ZNF222: variants seen among roughly 807,000 people sequenced by gnomAD.
ZNF222 encodes the protein zinc finger protein 222.
Under a neutral mutation model 11.6 loss-of-function variants are expected in ZNF222, and 8 were observed. The observed-to-expected ratio is 0.69, with a 90% CI of 0.41 to 1.25. ZNF222 has a LOEUF of 1.25. Ranked by LOEUF, ZNF222 falls within the 50% of genes most tolerant of loss-of-function variation. The pLI is 0.01. For missense variants in ZNF222, 483 were observed against 576.1 expected, an observed-to-expected ratio of 0.84 and a Z score of 1.65; for synonymous variants, 171 against 195.6, an observed-to-expected ratio of 0.87 and a Z score of 1.05.
rs895689081 is a variant in ZNF222, at chr19:44,032,914, G to A, written c.1360G>A (p.Asp454Asn). 6.2e-7 allele frequency: 1 copy of A among 1,612,936 alleles called. No individual in the cohort carries two copies. Among genetic ancestry groups the A allele is most frequent in the African/African-American group, 1.3e-5 (1 of 74,808 alleles). ...KRLVCRSYCKDQQRDHSGENP... is the reference protein window; with the variant it reads ...KRLVCRSYCKNQQRDHSGENP... ...GCTTGTATGCCGGTCATACTGTAAA[G>A]ACCAACAAAGAGACCACAGTGGAGA... is the stretch of plus-strand genomic sequence containing the variant. Residue 454 changes from aspartate to asparagine, a missense_variant, in exon 4 of 4, where the codon GAC (aspartate) becomes AAC (asparagine). By Grantham distance (23) the Asp-to-Asn change is conservative. Transcript: ENST00000391960.
At chr19:44,031,050 T>C (rs1160947250) in intron 3 of ZNF222, 1 of 152,252 alleles carries the variant, frequency 6.6e-6, no homozygotes, top group African/African-American at 2.4e-5. Flanking sequence ...CTCTTTCAAG[T>C]TAGGTTAACT....
chr19:44,025,527 C>T lies in ZNF222; in HGVS notation c.42+49C>T. On this transcript the variant is annotated intron_variant, in intron 1 of 3. Coordinates refer to ENST00000391960, the MANE Select transcript of ZNF222 (RefSeq NM_001129996.2). The surrounding 1 kb of genome is among the most constrained non-coding windows in gnomAD (Gnocchi z 4.6). ...TTGCCGTTCCAGTCAGCTGAGCCTT[C>T]TGGCGTCGGGGGGCTCTGCTAGGGT... 6.6e-7 allele frequency: 1 copy of T among 1,520,540 alleles called. No homozygotes were observed. The highest frequency in any genetic ancestry group is 8.8e-7 in the Non-Finnish European group (1 of 1,132,828). The allele number at this position is 1,520,540 out of a possible 1,614,324, so 94.2% of individuals were successfully genotyped here. A position where few individuals can be genotyped will look rare whatever the true frequency, so the allele number is the denominator to read the frequency against.
chr19:44,028,064 C>T, intron 3 of ZNF222: 1 of 400,102 alleles, frequency 2.5e-6, no homozygotes, highest in Non-Finnish European at 4.4e-6. Context: ...TTTGGTTTAC[C>T]AGTCTCTAGT....
At chr19:44,026,229 A>C in intron 1 of ZNF222, 1 of 791,604 alleles carries the variant, frequency 1.3e-6, no homozygotes, top group Non-Finnish European at 2.1e-6. Context: ...ACCCCAAAAT[A>C]CATGATCTTC....
chr19:44,030,698 C>A (rs1280278967), intron 3 of ZNF222, among the ~76,000 whole-genome samples: 2 of 152,106 alleles, frequency 1.3e-5, no homozygotes, highest in African/African-American at 4.8e-5. Context: ...CAGATAACTC[C>A]CAATCAGGGG....
chr19:44,032,473 T>A lies in ZNF222; in HGVS notation c.919T>A (p.Cys307Ser). The A allele has an allele frequency of 1.9e-6, 3 of 1,614,216 alleles. No homozygotes were observed. The highest frequency in any genetic ancestry group is 1.3e-5 in the African/African-American group (1 of 75,068). The change falls in exon 4 of 4, where the codon TGT becomes AGT. Residue 307 changes from cysteine to serine, a missense_variant. Transcript: ENST00000391960. ...ATGTGAAATATGTGGTAAGAGCTTCTGTCTTAGGTCAAGTCTTAATAGGCA... is the reference window on the plus strand; with the variant it reads ...ATGTGAAATATGTGGTAAGAGCTTCAGTCTTAGGTCAAGTCTTAATAGGCA... ...FKCEICGKSF[C>S]LRSSLNRHCM...
chr19:44,029,387 C>T (rs940325346), intron 3 of ZNF222, among the ~76,000 whole-genome samples: 2 of 151,668 alleles, frequency 1.3e-5, no homozygotes, highest in Non-Finnish European at 2.9e-5. Flanking sequence ...CCTTAAGGAC[C>T]GTGTTTATGT....
chr19:44,029,111 G>A (rs1490721314), intron 3 of ZNF222, among the ~76,000 whole-genome samples: 1 of 150,768 alleles, frequency 6.6e-6, no homozygotes, highest in African/African-American at 2.4e-5. Flanking sequence ...ATGCACTGTT[G>A]GTTGAATCCA....
At chr19:44,028,762 ACTGT>A (rs1346514707) in intron 3 of ZNF222, among the ~76,000 whole-genome samples, 2 of 152,196 alleles carry the variant, frequency 1.3e-5, no homozygotes, top group East Asian at 1.9e-4. Flanking sequence ...AGAGGACTTG[ACTGT>A]CTGTAAGAAT....
At position 44,032,401 on chromosome 19, in the gene ZNF222, CA is replaced by C. The variant is rs1976525800; in HGVS notation, c.848del (p.Gln283ArgfsTer56). 2 of 1,614,090 alleles carry C rather than the reference CA, an allele frequency of 1.2e-6. No homozygotes were observed. Among genetic ancestry groups the C allele is most frequent in the Non-Finnish European group, 1.7e-6 (2 of 1,180,014 alleles). On this transcript the variant is annotated frameshift_variant, in exon 4 of 4. Coordinates refer to ENST00000391960, the MANE Select transcript of ZNF222 (RefSeq NM_001129996.2). LOFTEE classifies it low-confidence loss of function (END_TRUNC). Reference sequence around the variant, plus strand: ...TGGGAAGGCTTTCATGCACAATTTCCAGCTTCAGAAACATCACAGAATTCAT... The same window carrying C: ...TGGGAAGGCTTTCATGCACAATTTCCGCTTCAGAAACATCACAGAATTCAT... ...KCGKAFMHNF[Q>X]LQKHHRIHTG...
chr19:44,032,779 T>G lies in ZNF222; in HGVS notation c.1225T>G (p.Tyr409Asp). 6.2e-7 allele frequency: 1 copy of G among 1,614,088 alleles called. No homozygotes were observed. Among genetic ancestry groups the G allele is most frequent in the South Asian group, 1.1e-5 (1 of 91,078 alleles). The change falls in exon 4 of 4, where the codon TAT becomes GAT. Residue 409 changes from tyrosine (Y) to aspartate (D), a missense_variant. Physicochemically the swap from Tyr to Asp is radical, Grantham distance 160 (BLOSUM62 -3). Transcript: ENST00000391960. Reference protein sequence around the residue: ...HHRTHTGERSYNCDNCGKSFR... With the variant: ...HHRTHTGERSDNCDNCGKSFR... ...TAGAACCCACACGGGAGAGAGATCT[T>G]ATAACTGTGATAACTGCGGGAAGAG...
In ZNF222 at chr19:44,032,572, T is replaced by G. The variant is rs746541695; in HGVS notation, c.1018T>G (p.Leu340Val). The G allele has an allele frequency of 1.2e-6, 2 of 1,614,186 alleles. No individual in the cohort carries two copies. The highest frequency in any genetic ancestry group is 1.7e-6 in the Non-Finnish European group (2 of 1,180,034). ...AAGAGGTTTCATTGATAGGCTAGAT[T>G]TGCATAAGCATCAGATGATTCATAT... ...YGRGFIDRLDLHKHQMIHMGQ... is the reference protein window; with the variant it reads ...YGRGFIDRLDVHKHQMIHMGQ... The change falls in exon 4 of 4, where the codon TTG becomes GTG. Residue 340 changes from leucine (L) to valine (V), a missense_variant. Leu to Val is a conservative substitution (Grantham distance 32). Transcript: ENST00000391960.
intron 3 of ZNF222, among the ~76,000 whole-genome samples, chr19:44,029,979 T>G (rs965371622): frequency 1.3e-5 from 2 of 152,258 alleles, no homozygotes; most frequent in African/African-American, 4.8e-5. Context: ...GTCATAATGC[T>G]GCAATAATTT....
At chr19:44,029,423 A>T (rs1282587969) in intron 3 of ZNF222, among the ~76,000 whole-genome samples, 1 of 151,922 alleles carries the variant, frequency 6.6e-6, no homozygotes, top group Non-Finnish European at 1.5e-5. Context: ...TATATCTATG[A>T]GCTGAATGTT....
rs1229965174 is a variant in ZNF222 at position 44,025,433 on chromosome 19, C to T, written c.-4C>T. ...CTCCTTTCCTTGGGGCTCGCAACCA[C>T]CCAATGATCGATTCAGGAGAAAAGA... is the stretch of plus-strand genomic sequence containing the variant. On this transcript the variant is annotated 5_prime_UTR_variant, in exon 1 of 4. Transcript: ENST00000391960. This position sits in a 1 kb window ranked among gnomAD's most constrained non-coding sequence, Gnocchi z 4.6. 3 of 1,551,612 alleles carry T rather than the reference C, an allele frequency of 1.9e-6. No individual in the cohort carries two copies. The highest frequency in any genetic ancestry group is 1.4e-5 in the African/African-American group (1 of 73,128).
rs755622541 is a variant in ZNF222, at chr19:44,032,797, G to T, written c.1243G>T (p.Gly415Trp). The T allele has an allele frequency of 9.3e-6, 15 of 1,613,900 alleles. No individual in the cohort carries two copies. Among genetic ancestry groups the T allele is most frequent in the Non-Finnish European group, 1.1e-5 (13 of 1,180,004 alleles). Residue 415 changes from glycine to tryptophan, a missense_variant, in exon 4 of 4, where the codon GGG (glycine) becomes TGG (tryptophan). By Grantham distance (184) the Gly-to-Trp change is radical. Coordinates refer to ENST00000391960, the MANE Select transcript of ZNF222 (RefSeq NM_001129996.2). ...GAGATCTTATAACTGTGATAACTGC[G>T]GGAAGAGCTTTAGACATGCTTCTAG... ...GERSYNCDNC[G>W]KSFRHASSIL... is the part of the protein sequence containing the mutation.
chr19:44,031,746 G>C, intron 3 of ZNF222, 71 bp from the exon 4 acceptor site: 10 of 1,533,940 alleles, frequency 6.5e-6, no homozygotes, highest in Non-Finnish European at 7.1e-6. Context: ...CTCCCAAAGT[G>C]CTGGGATTAC....
Position 44,032,352 on chromosome 19 carries a change from G to T in ZNF222, c.798G>T (p.Glu266Asp). 6.2e-7 allele frequency: 1 copy of T among 1,614,184 alleles called. No individual in the cohort carries two copies. The highest frequency in any genetic ancestry group is 2.2e-5 in the East Asian group (1 of 44,882). Residue 266 changes from glutamate to aspartate, a missense_variant, in exon 4 of 4, where the codon GAG (glutamate) becomes GAT (aspartate). Transcript: ENST00000391960. ...TTCATTGCAAATTACACATGAGAGA[G>T]AAACCTTATAATTGTGAGAAATGTG... The part of the protein sequence containing the change: ...LKVHCKLHMR[E>D]KPYNCEKCGK...
In ZNF222 at chr19:44,032,395, A is replaced by G; in HGVS notation, c.841A>G (p.Asn281Asp). ...CEKCGKAFMH[N>D]FQLQKHHRIH... ...GAAATGTGGGAAGGCTTTCATGCAC[A>G]ATTTCCAGCTTCAGAAACATCACAG... Residue 281 changes from asparagine to aspartate, a missense_variant, in exon 4 of 4, where the codon AAT (asparagine) becomes GAT (aspartate). Coordinates refer to ENST00000391960, the MANE Select transcript of ZNF222 (RefSeq NM_001129996.2). The G allele has an allele frequency of 1.9e-6, 3 of 1,614,242 alleles. No homozygotes were observed. The highest frequency in any genetic ancestry group is 2.5e-6 in the Non-Finnish European group (3 of 1,180,052).
Sources: allele counts gnomAD v4.1 joint callset (sites outside exome capture counted in the v4.1 genomes callset), GRCh38; gene constraint gnomAD v4.1.1; non-coding constraint Gnocchi (gnomAD v3.1); transcripts MANE v1.5; gene names NCBI Gene and HGNC (gene_info 2026-07-23, HGNC 2026-07-21).